Variants in UBAC2 observed in about 807,000 individuals in gnomAD.
UBAC2 encodes the protein ubiquitin-associated domain-containing protein 2.
In UBAC2, 26 loss-of-function variants were observed where a neutral mutation model predicts 44.0. The ratio of observed to expected loss-of-function variants is 0.59; its 90% confidence interval spans 0.43 to 0.82. The LOEUF (loss-of-function observed/expected upper bound fraction) is 0.82. Among genes scored for constraint, UBAC2 ranks in the 40% least tolerant of loss-of-function variants. UBAC2 has a pLI of 0.00. For synonymous variants in UBAC2, 155 were observed against 154.3 expected, an observed-to-expected ratio of 1.00 and a Z score of -0.04; for missense variants, 329 against 419.4, an observed-to-expected ratio of 0.78 and a Z score of 1.88.
Position 99,288,221 on chromosome 13 carries a change from G to A in UBAC2, c.390-25876G>A, listed in dbSNP as rs140525496. ...TCTTGTACAGAAACCAGAAATAAAT[G>A]TTTTAACACTCTGAGAAAATGGATA... is the stretch of plus-strand genomic sequence containing the variant. On this transcript the variant is annotated intron_variant, in intron 4 of 8. Transcript: ENST00000403766. 3.4e-3 allele frequency among the ~76,000 whole-genome samples: 519 copies of A among 152,260 alleles called. 5 individuals are homozygous for A. Among genetic ancestry groups the A allele is most frequent in the African/African-American group, 0.012 (495 of 41,556 alleles).
At chr13:99,304,395 C>T (rs2138740336) in intron 4 of UBAC2, among the ~76,000 whole-genome samples, 1 of 152,260 alleles carries the variant, frequency 6.6e-6, no homozygotes, top group East Asian at 1.9e-4. Flanking sequence ...GAGTGCTGTG[C>T]TCTGTCATAG....
intron 1 of UBAC2, 27 bp downstream of exon 1, chr13:99,200,966 C>G: frequency 7.7e-7 from 1 of 1,303,262 alleles, no homozygotes; most frequent in Non-Finnish European, 9.8e-7. Flanking sequence ...GCCATCCTGG[C>G]TGCCCCCTAC....
intron 4 of UBAC2, among the ~76,000 whole-genome samples, chr13:99,275,788 T>C (rs1436463752): frequency 1.3e-5 from 2 of 152,192 alleles, no homozygotes; most frequent in Non-Finnish European, 2.9e-5. Context: ...AAGATCCAGC[T>C]TTTTAAAAGC....
At chr13:99,305,810 A>G (rs2138744257) in intron 4 of UBAC2, among the ~76,000 whole-genome samples, 1 of 152,288 alleles carries the variant, frequency 6.6e-6, no homozygotes, top group Admixed American at 6.5e-5. Flanking sequence ...CAGAGAGAAA[A>G]CATGCTAAAA....
At chr13:99,348,396 G>A (rs945320776) in intron 7 of UBAC2, among the ~76,000 whole-genome samples, 19 of 152,200 alleles carry the variant, frequency 1.2e-4, no homozygotes, top group Non-Finnish European at 2.9e-5. Context: ...GGGATACAGC[G>A]AGGGTAATCT....
At chr13:99,246,085 A>G (rs563026081) in intron 4 of UBAC2, among the ~76,000 whole-genome samples, 44 of 152,358 alleles carry the variant, frequency 2.9e-4, no homozygotes, top group African/African-American at 1.1e-3. Flanking sequence ...ATGTATCTTG[A>G]TTCAAATTCA....
At chr13:99,254,596 A>AT in intron 4 of UBAC2, 1 of 246,008 alleles carries the variant, frequency 4.1e-6, no homozygotes, top group Non-Finnish European at 7.7e-6. Flanking sequence ...TGGTAGCTCG[A>AT]TTTCCCCCCT....
At chr13:99,345,790 T>A (rs1205853650) in intron 7 of UBAC2, among the ~76,000 whole-genome samples, 7 of 149,730 alleles carry the variant, frequency 4.7e-5, no homozygotes, top group Non-Finnish European at 7.4e-5. Context: ...TTGCCCAGGC[T>A]GGAGTGCAGT....
At chr13:99,276,435 T>C (rs1205477749) in intron 4 of UBAC2, among the ~76,000 whole-genome samples, 1 of 152,234 alleles carries the variant, frequency 6.6e-6, no homozygotes. Context: ...GAACGTATTT[T>C]ACTTACGTTT....
chr13:99,332,971 T>C (rs2044737665), intron 6 of UBAC2, among the ~76,000 whole-genome samples: 1 of 152,028 alleles, frequency 6.6e-6, no homozygotes, highest in African/African-American at 2.4e-5. Flanking sequence ...TATGAGATCA[T>C]GAAAATTAGG....
At chr13:99,246,824 A>C (rs1170216098) in intron 4 of UBAC2, among the ~76,000 whole-genome samples, 1 of 152,172 alleles carries the variant, frequency 6.6e-6, no homozygotes, top group East Asian at 1.9e-4. Flanking sequence ...AGACACTATA[A>C]ATGTTAATTC....
intron 1 of UBAC2, among the ~76,000 whole-genome samples, chr13:99,235,710 C>T (rs1337570822): frequency 2.0e-5 from 3 of 152,180 alleles, no homozygotes; most frequent in South Asian, 2.1e-4. Context: ...TGCAGTGGCT[C>T]ATGCCTATCA....
At chr13:99,302,818 C>G (rs1205230952) in intron 4 of UBAC2, among the ~76,000 whole-genome samples, 1 of 152,212 alleles carries the variant, frequency 6.6e-6, no homozygotes, top group Non-Finnish European at 1.5e-5. Context: ...AACCAACTGT[C>G]ACAGTAGTCA....
chr13:99,214,776 G>C (rs1042074765), intron 1 of UBAC2, among the ~76,000 whole-genome samples: 11 of 151,884 alleles, frequency 7.2e-5, no homozygotes, highest in African/African-American at 2.7e-4. Context: ...TTTATTTTGG[G>C]GGAATAAATA....
chr13:99,295,247 T>C lies in UBAC2; in HGVS notation c.390-18850T>C, dbSNP rs571060900. 3 of 1,614,134 alleles carry C rather than the reference T, an allele frequency of 1.9e-6. No individual in the cohort carries two copies. The highest frequency in any genetic ancestry group is 2.2e-5 in the East Asian group (1 of 44,870). Reference sequence around the variant, plus strand: ...GTAGATAAAAGGGTCCATGCAGCAATTGAAGTTCATCAGGCATACTGTAAA... The same window carrying C: ...GTAGATAAAAGGGTCCATGCAGCAACTGAAGTTCATCAGGCATACTGTAAA... On this transcript the variant is annotated intron_variant, in intron 4 of 8. Coordinates refer to ENST00000403766, the MANE Select transcript of UBAC2 (RefSeq NM_001144072.2). The surrounding 1 kb of genome is among the most constrained non-coding windows in gnomAD (Gnocchi z 4.1).
At chr13:99,257,836 T>C (rs2043593037) in intron 4 of UBAC2, among the ~76,000 whole-genome samples, 1 of 152,242 alleles carries the variant, frequency 6.6e-6, no homozygotes, top group South Asian at 2.1e-4. Context: ...TTAGTATTAA[T>C]GTAAAGCAAT....
chr13:99,380,014 G>A (rs2045529835), intron 8 of UBAC2, among the ~76,000 whole-genome samples: 1 of 152,200 alleles, frequency 6.6e-6, no homozygotes, highest in African/African-American at 2.4e-5. Context: ...GGGAGTCGGG[G>A]CATGTGCAGA....
chr13:99,310,348 G>A (rs2044395988), intron 4 of UBAC2, among the ~76,000 whole-genome samples: 1 of 152,118 alleles, frequency 6.6e-6, no homozygotes, highest in African/African-American at 2.4e-5. Flanking sequence ...AAAAAGAAAG[G>A]ATGGATGAAA....
intron 4 of UBAC2, among the ~76,000 whole-genome samples, chr13:99,290,931 T>C (rs1306457241): frequency 6.6e-6 from 1 of 151,924 alleles, no homozygotes; most frequent in East Asian, 1.9e-4. Context: ...TGAATTCAGA[T>C]GTGGTGATGG....
Sources: allele counts gnomAD v4.1 joint callset (sites outside exome capture counted in the v4.1 genomes callset), GRCh38; gene constraint gnomAD v4.1.1; non-coding constraint Gnocchi (gnomAD v3.1); transcripts MANE v1.5; gene names NCBI Gene and HGNC (gene_info 2026-07-23, HGNC 2026-07-21).